The following SND1 variants were observed in gnomAD, a reference collection of about 807,000 sequenced individuals.
SND1 encodes the protein staphylococcal nuclease domain-containing protein 1.
A neutral mutation model predicts 121.7 loss-of-function variants in SND1; 38 were observed. That is an observed-to-expected ratio of 0.31 (90% CI 0.24 to 0.41). The LOEUF is 0.41. Among genes scored for constraint, SND1 ranks in the 10% least tolerant of loss-of-function variants. The pLI is 1.00. For missense variants in SND1, 868 were observed against 1,184.6 expected (o/e 0.73, Z 3.92); for synonymous variants, 401 against 447.4 (o/e 0.90, Z 1.31).
chr7:127,880,715 G>GT (rs1799774221), intron 12 of SND1, among the ~76,000 whole-genome samples: 1 of 135,492 alleles, frequency 7.4e-6, no homozygotes, highest in African/African-American at 2.6e-5. Context: ...GAGAATGCAG[G>GT]GGTGTGTGTG....
chr7:127,933,296 G>T (rs967476868), intron 15 of SND1, among the ~76,000 whole-genome samples: 3 of 152,198 alleles, frequency 2.0e-5, no homozygotes, highest in Non-Finnish European at 4.4e-5. Flanking sequence ...ATTATTTTAA[G>T]CTTAGCAATT....
At chr7:128,062,826 G>A (rs1401045904) in intron 16 of SND1, among the ~76,000 whole-genome samples, 1 of 152,156 alleles carries the variant, frequency 6.6e-6, no homozygotes, top group African/African-American at 2.4e-5. Context: ...CTAGGGGTTG[G>A]CATCCCAATC....
chr7:127,721,781 G>A (rs1262278614), intron 10 of SND1, among the ~76,000 whole-genome samples: 1 of 152,182 alleles, frequency 6.6e-6, no homozygotes, highest in Non-Finnish European at 1.5e-5. Flanking sequence ...GTTTCTGCTG[G>A]TCATTTTGAT....
chr7:127,828,494 A>G (rs1798682942), intron 11 of SND1, among the ~76,000 whole-genome samples: 1 of 152,094 alleles, frequency 6.6e-6, no homozygotes, highest in Non-Finnish European at 1.5e-5. Flanking sequence ...CTGTAGTTGG[A>G]AACCTCATTT....
At chr7:127,969,297 C>T (rs1419919870) in intron 15 of SND1, among the ~76,000 whole-genome samples, 4 of 152,108 alleles carry the variant, frequency 2.6e-5, no homozygotes, top group South Asian at 2.1e-4. Flanking sequence ...CCAGCTAGCC[C>T]GCTTTCTGTC....
intron 10 of SND1, among the ~76,000 whole-genome samples, chr7:127,795,636 T>C (rs1378596612): frequency 6.6e-6 from 1 of 152,130 alleles, no homozygotes; most frequent in Non-Finnish European, 1.5e-5. Flanking sequence ...TATGTCAAAC[T>C]TGTAGGTGTA....
chr7:127,995,180 A>G (rs1802619598), intron 16 of SND1, among the ~76,000 whole-genome samples: 1 of 152,200 alleles, frequency 6.6e-6, no homozygotes, highest in African/African-American at 2.4e-5. Context: ...TGCATATGGT[A>G]TGCTGAATTG....
intron 12 of SND1, chr7:127,858,501 C>T (rs1430523454): frequency 1.8e-6 from 1 of 542,690 alleles, no homozygotes; most frequent in Non-Finnish European, 3.4e-6. Context: ...CTTTTACCTG[C>T]AGAAGTTCTG....
chr7:127,665,819 G>T (rs1424383121), intron 1 of SND1, among the ~76,000 whole-genome samples: 2 of 152,090 alleles, frequency 1.3e-5, no homozygotes, highest in Non-Finnish European at 2.9e-5. Flanking sequence ...AAAAATTTTG[G>T]TAATAACCCA....
chr7:127,948,125 G>A (rs934637497), intron 15 of SND1, among the ~76,000 whole-genome samples: 2 of 152,184 alleles, frequency 1.3e-5, no homozygotes, highest in African/African-American at 4.8e-5. Context: ...GGAAAGTTTA[G>A]TGAATAAGAA....
chr7:127,903,367 A>G (rs541506448), intron 13 of SND1, among the ~76,000 whole-genome samples: 85 of 152,294 alleles, frequency 5.6e-4, no homozygotes, highest in Admixed American at 2.1e-3. Context: ...TCAAATTCAG[A>G]AGAAGCCACG....
chr7:127,687,852 A>G (rs1795842844), intron 2 of SND1, among the ~76,000 whole-genome samples: 1 of 151,850 alleles, frequency 6.6e-6, no homozygotes, highest in African/African-American at 2.4e-5. Flanking sequence ...TACCTGGCTA[A>G]TTTTTATTTT....
chr7:128,025,478 G>A (rs764857008), intron 16 of SND1, among the ~76,000 whole-genome samples: 37 of 152,238 alleles, frequency 2.4e-4, no homozygotes, highest in African/African-American at 4.1e-4. Context: ...CTCTAACTCC[G>A]TATCATCAGC....
chr7:127,799,923 A>G (rs1017576892), intron 10 of SND1, among the ~76,000 whole-genome samples: 2 of 152,218 alleles, frequency 1.3e-5, no homozygotes, highest in Non-Finnish European at 2.9e-5. Flanking sequence ...GATACCTTCT[A>G]TTCGGCCAGG....
intron 10 of SND1, among the ~76,000 whole-genome samples, chr7:127,746,044 G>A (rs1260996748): frequency 6.6e-6 from 1 of 152,190 alleles, no homozygotes; most frequent in Non-Finnish European, 1.5e-5. Flanking sequence ...ACCTGTGTGT[G>A]TCACAGTTCA....
At chr7:127,679,436 A>AT (rs1182784226) in intron 1 of SND1, among the ~76,000 whole-genome samples, 6 of 150,754 alleles carry the variant, frequency 4.0e-5, no homozygotes, top group African/African-American at 9.7e-5. Context: ...GGACCTTAAA[A>AT]TTTTTTTTTT....
chr7:127,680,070 C>A (rs1291769764), intron 1 of SND1, among the ~76,000 whole-genome samples: 1 of 152,054 alleles, frequency 6.6e-6, no homozygotes, highest in Admixed American at 6.5e-5. Context: ...GCTGGGCATC[C>A]GGGGGAGACG....
chr7:127,910,938 G>A lies in SND1; in HGVS notation c.1527+6119G>A, dbSNP rs187018404. ...CTGCTGGGCTCTGCATTTGGTATCC[G>A]AGAAAATCCCAAAGGAACTCTGGAA... On this transcript the variant is annotated intron_variant, in intron 14 of 23. Coordinates refer to ENST00000354725, the MANE Select transcript of SND1 (RefSeq NM_014390.4). Among the ~76,000 whole-genome samples the A allele has an allele frequency of 3.3e-3, 502 of 152,226 alleles. 16 individuals are homozygous for A. Among genetic ancestry groups the A allele is most frequent in the Admixed American group, 0.031 (467 of 15,276 alleles).
At chr7:127,769,103 A>G (rs1451697284) in intron 10 of SND1, among the ~76,000 whole-genome samples, 1 of 152,204 alleles carries the variant, frequency 6.6e-6, no homozygotes, top group South Asian at 2.1e-4. Context: ...TAATGCTGCC[A>G]TATGGTTTGT....
Sources: allele counts gnomAD v4.1 joint callset (sites outside exome capture counted in the v4.1 genomes callset), GRCh38; gene constraint gnomAD v4.1.1; transcripts MANE v1.5; gene names NCBI Gene and HGNC (gene_info 2026-07-23, HGNC 2026-07-21).